Variants in TPM3 observed in about 807,000 individuals in gnomAD.
The protein encoded by TPM3 is tropomyosin 3.
TPM3 carries 16 observed loss-of-function variants against 43.1 expected under a neutral mutation model. The ratio of observed to expected loss-of-function variants is 0.37; its 90% CI spans 0.25 to 0.56. TPM3 has a LOEUF of 0.56. Among genes scored for constraint, TPM3 ranks in the 20% least tolerant of loss-of-function variants. TPM3 has a pLI of 0.77. For missense variants in TPM3, 176 were observed against 337.2 expected (o/e 0.52, Z 3.74); for synonymous variants, 101 against 116.9 (o/e 0.86, Z 0.88).
chr1:154,179,505 G>A (rs1035034917), intron 2 of TPM3, among the ~76,000 whole-genome samples: 1 of 152,072 alleles, frequency 6.6e-6, no homozygotes, highest in African/African-American at 2.4e-5. Flanking sequence ...CCACTCCCTC[G>A]GTAGTACTCT....
At chr1:154,188,164 T>A (rs1304788545) in intron 2 of TPM3, among the ~76,000 whole-genome samples, 1 of 151,576 alleles carries the variant, frequency 6.6e-6, no homozygotes, top group Non-Finnish European at 1.5e-5. Context: ...CAAGCGATCC[T>A]CCCATCTCAG....
intron 2 of TPM3, chr1:154,187,224 G>T: frequency 1.3e-6 from 1 of 793,896 alleles, no homozygotes; most frequent in Non-Finnish European, 1.5e-6. Context: ...AGATAAGAAA[G>T]CCAGTAGACA....
At position 154,176,142 on chromosome 1, in the gene TPM3, G is replaced by A; in HGVS notation, c.350C>T (p.Ala117Val). Residue 117 changes from alanine to valine, a missense_variant, in exon 3 of 10, where the codon GCT becomes GTT. Physicochemically the swap from Ala to Val is moderately conservative, Grantham distance 64 (BLOSUM62 0). This residue lies in a region of TPM3 where 82 missense variants were observed against 148.8 expected (regional missense o/e 0.55). Coordinates refer to ENST00000651641, the MANE Select transcript of TPM3 (RefSeq NM_152263.4). ...CTCACTCTCATCAGCAGCTTTTTCA[G>A]CTTCTTCCAGCTTTTGCAGGGCAGT... ...LATALQKLEE[A>V]EKAADESERG... 1 of 1,614,066 alleles carries A rather than the reference G, an allele frequency of 6.2e-7. No homozygotes were observed. Among genetic ancestry groups the A allele is most frequent in the East Asian group, 2.2e-5 (1 of 44,890 alleles).
chr1:154,176,380 A>C, intron 2 of TPM3, 132 bp from the exon 3 acceptor site: 7 of 1,273,214 alleles, frequency 5.5e-6, no homozygotes, highest in African/African-American at 3.0e-5. Context: ...GTCTTAGCTC[A>C]GCTGTTAAAA....
At position 154,183,326 on chromosome 1, in the gene TPM3, G is replaced by A. The variant is rs897895046; in HGVS notation, c.244-7078C>T. On this transcript the variant is annotated intron_variant, in intron 2 of 9. Transcript: ENST00000651641. ...GGAGGGAGAGCCGCGGCAGGGAGTG[G>A]ATCCTCCCAGTCGCCCTGGAGTACG... 6 of 1,462,712 alleles carry A rather than the reference G, an allele frequency of 4.1e-6. No homozygotes were observed. The African/African-American group carries it at 8.4e-5, about 20-fold the overall frequency. 90.6% of individuals were successfully genotyped at this position (1,462,712 alleles called of 1,614,324 possible).
At chr1:154,177,460 G>A (rs1662462442) in intron 2 of TPM3, among the ~76,000 whole-genome samples, 1 of 152,130 alleles carries the variant, frequency 6.6e-6, no homozygotes, top group Non-Finnish European at 1.5e-5. Flanking sequence ...AACAAGGAAA[G>A]AAGGAGGCAG....
intron 9 of TPM3, among the ~76,000 whole-genome samples, chr1:154,168,740 G>A (rs376203665): frequency 9.9e-5 from 15 of 152,196 alleles, no homozygotes; most frequent in African/African-American, 2.9e-4. Flanking sequence ...TGGCCAGGCT[G>A]GTCTTGAACT....
At position 154,191,367 on chromosome 1, in the gene TPM3, TGG is replaced by T. The variant is rs1663675145; in HGVS notation, c.118-58_118-57del. ...ACACACAAACACAACAATGCAGGGT[TGG>T]ACCCTGGGCTCTTGGAGCCCTGAGT... On this transcript the variant is annotated intron_variant, in intron 1 of 9. Coordinates refer to ENST00000651641, the MANE Select transcript of TPM3 (RefSeq NM_152263.4). 22 of 1,610,804 alleles carry T rather than the reference TGG, an allele frequency of 1.4e-5. No homozygotes were observed. In the East Asian group the frequency reaches 4.7e-4, roughly 34 times the overall value.
intron 2 of TPM3, among the ~76,000 whole-genome samples, chr1:154,182,525 A>C (rs1225068332): frequency 6.6e-6 from 1 of 152,036 alleles, no homozygotes; most frequent in African/African-American, 2.4e-5. Flanking sequence ...CCCACCCCAA[A>C]ACCCTCACCA....
At chr1:154,184,872 T>A (rs542683813) in intron 2 of TPM3, among the ~76,000 whole-genome samples, 2 of 151,724 alleles carry the variant, frequency 1.3e-5, no homozygotes, top group East Asian at 3.9e-4. Flanking sequence ...CAAGATTGTA[T>A]CACTGCCTCC....
chr1:154,189,546 C>A (rs1284937917), intron 2 of TPM3, among the ~76,000 whole-genome samples: 1 of 147,732 alleles, frequency 6.8e-6, no homozygotes, highest in Non-Finnish European at 1.5e-5. Flanking sequence ...GTAATCCCAG[C>A]ACTTTGGGAG....
Position 154,192,048 on chromosome 1 carries a change from G to C in TPM3, c.-30C>G. On this transcript the variant is annotated 5_prime_UTR_variant, in exon 1 of 10. Coordinates refer to ENST00000651641, the MANE Select transcript of TPM3 (RefSeq NM_152263.4). ...AGTGGCTGTTGGTAGGCTCACCTGTGAACACTGGAGAACTGGAGACTGGGG... is the reference window on the plus strand; with the variant it reads ...AGTGGCTGTTGGTAGGCTCACCTGTCAACACTGGAGAACTGGAGACTGGGG... 1 of 1,579,204 alleles carries C rather than the reference G, an allele frequency of 6.3e-7. No individual in the cohort carries two copies. Among genetic ancestry groups the C allele is most frequent in the South Asian group, 1.1e-5 (1 of 90,384 alleles).
intron 3 of TPM3, among the ~76,000 whole-genome samples, chr1:154,174,172 G>C (rs1558048471): frequency 6.7e-6 from 1 of 149,394 alleles, no homozygotes; most frequent in South Asian, 2.1e-4. Context: ...GTCTGTACTA[G>C]AAATACAAAA....
chr1:154,157,427 A>T, downstream of TPM3: 1 of 664,890 alleles, frequency 1.5e-6, no homozygotes, highest in South Asian at 1.7e-5. Flanking sequence ...TGTTGTTTCC[A>T]AAGGTGCTCA....
chr1:154,169,453 G>C (rs747187252), intron 8 of TPM3, 70 bp from the exon 9 acceptor site: 274 of 1,496,120 alleles, frequency 1.8e-4, no homozygotes, highest in Non-Finnish European at 2.5e-4. Context: ...CAGATGAAGA[G>C]AGGGAATCAT....
chr1:154,167,929 G>A lies in TPM3; in HGVS notation c.*8C>T, dbSNP rs768356475. The A allele has an allele frequency of 3.1e-6, 5 of 1,613,966 alleles. No individual in the cohort carries two copies. Among genetic ancestry groups the A allele is most frequent in the South Asian group, 1.1e-5 (1 of 91,072 alleles). On this transcript the variant is annotated 3_prime_UTR_variant, in exon 10 of 10. Transcript: ENST00000651641. ...GGCAGATCCAGAACAGAGCAGAAAC[G>A]GTGATAATTATCTGTATGAAAAAGT...
chr1:154,187,893 A>G (rs1663479027), intron 2 of TPM3, among the ~76,000 whole-genome samples: 1 of 151,692 alleles, frequency 6.6e-6, no homozygotes, highest in South Asian at 2.1e-4. Context: ...TCATGCCCAT[A>G]TGTTAGAAAC....
intron 2 of TPM3, chr1:154,183,542 T>C (rs1663219384): frequency 2.8e-6 from 1 of 357,032 alleles, no homozygotes; most frequent in African/African-American, 2.1e-5. Context: ...GCAATGCCGA[T>C]ACCCGTCACC....
chr1:154,181,896 G>C (rs111901288), intron 2 of TPM3, among the ~76,000 whole-genome samples: 1 of 152,160 alleles, frequency 6.6e-6, no homozygotes, highest in Non-Finnish European at 1.5e-5. Context: ...ACTCCAGCCT[G>C]AGCGACAGAG....
Sources: gnomAD v4.1 joint callset for allele counts (sites outside exome capture counted in the v4.1 genomes callset) on GRCh38, gnomAD v4.1.1 for gene constraint, gnomAD v4.1.1 regional missense constraint, MANE v1.5 for transcripts, NCBI Gene and HGNC (gene_info 2026-07-23, HGNC 2026-07-21) for gene names.